CLASP2: variants seen among roughly 807,000 people sequenced by gnomAD.
CLASP2 encodes cytoplasmic linker associated protein 2.
In CLASP2, 47 loss-of-function variants were observed where a neutral mutation model predicts 194.4. The ratio of observed to expected loss-of-function variants is 0.24; its 90% CI spans 0.19 to 0.31. The LOEUF (loss-of-function observed/expected upper bound fraction) is 0.31. Ranked by LOEUF, CLASP2 falls within the 10% of genes least tolerant of loss-of-function variation. CLASP2 has a pLI of 1.00. For missense variants in CLASP2, 1,445 were observed against 1,823.6 expected (o/e 0.79, Z 3.78); for synonymous variants, 619 against 633.5 (o/e 0.98, Z 0.34).
chr3:33,649,304 T>C (rs986926358), intron 7 of CLASP2, among the ~76,000 whole-genome samples: 5 of 152,236 alleles, frequency 3.3e-5, no homozygotes, highest in African/African-American at 1.2e-4. Context: ...CTAGCACTTA[T>C]CATCTATATA....
rs1230404571 is a variant in CLASP2 at position 33,552,660 on chromosome 3, T to TCA, written c.3010-1267_3010-1266dup. ...ATACATAGTGAAACGTTTCTCATAG[T>TCA]CAAGCAAATCAATGAATCCATCGTT... On this transcript the variant is annotated intron_variant, in intron 29 of 38. Transcript: ENST00000682230. Among the ~76,000 whole-genome samples, 7 of 152,280 alleles carry TCA rather than the reference T, an allele frequency of 4.6e-5. No homozygotes were observed. The East Asian group carries it at 1.2e-3, about 25-fold the overall frequency.
intron 7 of CLASP2, chr3:33,659,019 A>G (rs2084812988): frequency 6.5e-7 from 1 of 1,535,760 alleles, no homozygotes. Flanking sequence ...TCTGAAACCA[A>G]GAGGTCAAAT....
chr3:33,535,210 T>C (rs371150993), intron 34 of CLASP2, 23 bp downstream of exon 34: 12 of 1,528,200 alleles, frequency 7.9e-6, no homozygotes, highest in Non-Finnish European at 1.0e-5. Flanking sequence ...AAACAGACAG[T>C]AGCAGTGTGA....
intron 2 of CLASP2, among the ~76,000 whole-genome samples, chr3:33,691,827 T>C (rs2091388049): frequency 6.6e-6 from 1 of 152,194 alleles, no homozygotes; most frequent in Non-Finnish European, 1.5e-5. Flanking sequence ...CAGGATTAAA[T>C]AACTTATCCA....
chr3:33,603,105 C>T lies in CLASP2; in HGVS notation c.1771G>A (p.Ala591Thr), dbSNP rs2072741293. 2 of 1,582,748 alleles carry T rather than the reference C, an allele frequency of 1.3e-6. No homozygotes were observed. Among genetic ancestry groups the T allele is most frequent in the Non-Finnish European group, 1.7e-6 (2 of 1,161,870 alleles). ...TGCAGGCTTCCTGGAAGGGAACTGG[C>T]TTTGCTGCTGCCTGCTGATACTACG... ...AGRVSAGSSK[A>T]SSLPGSLQRS... The change falls in exon 18 of 39, where the codon GCC (alanine) becomes ACC (threonine). Residue 591 changes from alanine to threonine, a missense_variant. Physicochemically the swap from Ala to Thr is moderately conservative, Grantham distance 58 (BLOSUM62 0). Coordinates refer to ENST00000682230, the MANE Select transcript of CLASP2 (RefSeq NM_001365631.1).
chr3:33,716,104 G>C (rs1399211276), intron 1 of CLASP2, among the ~76,000 whole-genome samples: 1 of 152,130 alleles, frequency 6.6e-6, no homozygotes, highest in African/African-American at 2.4e-5. Flanking sequence ...GAGGAAAACA[G>C]GCAATTTATC....
At chr3:33,613,779 A>G (rs2075630309) in intron 12 of CLASP2, among the ~76,000 whole-genome samples, 2 of 152,180 alleles carry the variant, frequency 1.3e-5, no homozygotes, top group African/African-American at 4.8e-5. Context: ...TCCCCTAGCT[A>G]CAACAACTAT....
intron 1 of CLASP2, among the ~76,000 whole-genome samples, chr3:33,714,988 C>G (rs1331470001): frequency 6.6e-6 from 1 of 152,192 alleles, no homozygotes; most frequent in Non-Finnish European, 1.5e-5. Flanking sequence ...AGAATAAAAT[C>G]CTATGACTTT....
chr3:33,690,597 C>G (rs1001583838), intron 2 of CLASP2, among the ~76,000 whole-genome samples: 7 of 152,134 alleles, frequency 4.6e-5, no homozygotes, highest in African/African-American at 1.7e-4. Context: ...CCCCCTTATC[C>G]ACAGCTTTAC....
chr3:33,504,741 A>G (rs2047682031), intron 37 of CLASP2: 1 of 152,246 alleles, frequency 6.6e-6, no homozygotes. Context: ...TTAGATTCTC[A>G]TAAGAAGCAT....
rs538617950 is a variant in CLASP2 at position 33,695,696 on chromosome 3, T to C, written c.274+1159A>G. Among the ~76,000 whole-genome samples the C allele has an allele frequency of 3.4e-4, 52 of 152,166 alleles. 1 individual carries two copies. The highest frequency in any genetic ancestry group is 1.2e-3 in the African/African-American group (51 of 41,528). On this transcript the variant is annotated intron_variant, in intron 2 of 38. Transcript: ENST00000682230. ...GGTTCATGCCTATAATGCTAACACT[T>C]TGGGAGGCCGAGGTGAGAGGACTGC...
intron 24 of CLASP2, among the ~76,000 whole-genome samples, chr3:33,575,750 G>C (rs1297854026): frequency 6.6e-6 from 1 of 151,972 alleles, no homozygotes; most frequent in Non-Finnish European, 1.5e-5. Flanking sequence ...CCTTGAGGTT[G>C]TACTTTCTTT....
At chr3:33,514,421 GC>G (rs2050725260) in intron 36 of CLASP2, among the ~76,000 whole-genome samples, 1 of 152,082 alleles carries the variant, frequency 6.6e-6, no homozygotes, top group Admixed American at 6.6e-5. Flanking sequence ...TGAAATCACT[GC>G]CTAATCCAAG....
In CLASP2 at chr3:33,689,889, C is replaced by G; in HGVS notation, c.318G>C (p.Lys106Asn). ...TCAGAGTCTGAGCTTCATCTCGAACCTTGTCTTTGGCATCTCCCATTCTGT... is the reference window on the plus strand; with the variant it reads ...TCAGAGTCTGAGCTTCATCTCGAACGTTGTCTTTGGCATCTCCCATTCTGT... ...LIDRMGDAKDKVRDEAQTLIL... is the reference protein window; with the variant it reads ...LIDRMGDAKDNVRDEAQTLIL... Residue 106 changes from lysine to asparagine, a missense_variant, in exon 3 of 39, where the codon AAG becomes AAC. Transcript: ENST00000682230. 6.3e-7 allele frequency: 1 copy of G among 1,599,862 alleles called. No homozygotes were observed. The highest frequency in any genetic ancestry group is 8.5e-7 in the Non-Finnish European group (1 of 1,173,588).
At chr3:33,651,719 G>A (rs1257649518) in intron 7 of CLASP2, among the ~76,000 whole-genome samples, 1 of 148,702 alleles carries the variant, frequency 6.7e-6, no homozygotes, top group Non-Finnish European at 1.5e-5. Context: ...GAGTGCAATG[G>A]TGTGATCTTG....
At chr3:33,647,503 T>G (rs1301465110) in intron 7 of CLASP2, among the ~76,000 whole-genome samples, 1 of 152,204 alleles carries the variant, frequency 6.6e-6, no homozygotes, top group East Asian at 1.9e-4. Context: ...TGGCATTCTT[T>G]TTCTATAAAG....
intron 36 of CLASP2, among the ~76,000 whole-genome samples, chr3:33,515,756 C>T (rs2051140734): frequency 6.6e-6 from 1 of 152,006 alleles, no homozygotes; most frequent in Non-Finnish European, 1.5e-5. Flanking sequence ...TTGCTAAACT[C>T]TAAGTAGAAA....
intron 12 of CLASP2, among the ~76,000 whole-genome samples, chr3:33,612,675 A>AT (rs775457239): frequency 2.2e-4 from 34 of 152,306 alleles, no homozygotes; most frequent in East Asian, 1.5e-3. Context: ...AAGCATACAT[A>AT]TTTAATTCCT....
chr3:33,711,809 T>C (rs1002652505), intron 1 of CLASP2, among the ~76,000 whole-genome samples: 1 of 152,016 alleles, frequency 6.6e-6, no homozygotes, highest in Non-Finnish European at 1.5e-5. Context: ...GAAATGCAAA[T>C]TAAAACCACA....
Sources: allele counts gnomAD v4.1 joint callset (sites outside exome capture counted in the v4.1 genomes callset), GRCh38; gene constraint gnomAD v4.1.1; transcripts MANE v1.5; gene names NCBI Gene and HGNC (gene_info 2026-07-23, HGNC 2026-07-21).